The following MAPK14 variants were observed in gnomAD, a reference collection of about 807,000 sequenced individuals.
MAPK14 encodes CSAID-binding protein.
A neutral mutation model predicts 49.6 loss-of-function variants in MAPK14; 16 were observed. That is an observed-to-expected ratio of 0.32 (90% CI 0.22 to 0.49). The LOEUF (loss-of-function observed/expected upper bound fraction) is 0.49, where lower values mean the gene tolerates loss of function less well. Ranked by LOEUF, MAPK14 falls within the 20% of genes least tolerant of loss-of-function variation. The pLI is 0.99. For synonymous variants in MAPK14, 142 were observed against 158.0 expected (o/e 0.90, Z 0.76); for missense variants, 200 against 441.2 (o/e 0.45, Z 4.90).
chr6:36,041,327 TTTC>T (rs957153635), intron 1 of MAPK14, among the ~76,000 whole-genome samples: 4 of 152,144 alleles, frequency 2.6e-5, no homozygotes, highest in African/African-American at 9.7e-5. Context: ...TTCTTCCTCT[TTTC>T]TTTCTGCTCC....
At chr6:36,122,580 C>T in the MAPK14 span, among the ~76,000 whole-genome samples, 34 of 152,328 alleles carry the variant, frequency 2.2e-4, no homozygotes, top group African/African-American at 7.2e-4. Context: ...AACCTCAAGA[C>T]ATTCTATTAG....
chr6:36,037,719 C>G (rs1456049671), intron 1 of MAPK14, among the ~76,000 whole-genome samples: 1 of 152,144 alleles, frequency 6.6e-6, no homozygotes, highest in East Asian at 1.9e-4. Context: ...CAGTGAGTGG[C>G]TCACACCTGT....
At chr6:36,098,725 G>A (rs969689904) in intron 9 of MAPK14, among the ~76,000 whole-genome samples, 1 of 152,068 alleles carries the variant, frequency 6.6e-6, no homozygotes, top group African/African-American at 2.4e-5. Context: ...AAGGGGAAGT[G>A]GAGGATTTTT....
chr6:36,085,859 T>C lies in MAPK14; in HGVS notation c.682+9251T>C, dbSNP rs139918194. Among the ~76,000 whole-genome samples, 43 of 152,352 alleles carry C rather than the reference T, an allele frequency of 2.8e-4. No homozygotes were observed. In the East Asian group the frequency reaches 6.2e-3, roughly 22 times the overall value. Reference sequence around the variant, plus strand: ...TACAGAAACAACAGAATATACATTCTTCTTAGCAGCACATCGCACTTAGGC... The same window carrying C: ...TACAGAAACAACAGAATATACATTCCTCTTAGCAGCACATCGCACTTAGGC... On this transcript the variant is annotated intron_variant, in intron 8 of 11. Coordinates refer to ENST00000229794, the MANE Select transcript of MAPK14 (RefSeq NM_139012.3).
intron 1 of MAPK14, among the ~76,000 whole-genome samples, chr6:36,032,031 C>T (rs961860306): frequency 6.6e-6 from 1 of 152,074 alleles, no homozygotes; most frequent in Non-Finnish European, 1.5e-5. Context: ...GTTCCCCCAC[C>T]TTGGCCTCCC....
chr6:36,104,623 G>A (rs1581853843), intron 10 of MAPK14, among the ~76,000 whole-genome samples: 1 of 152,126 alleles, frequency 6.6e-6, no homozygotes, highest in Non-Finnish European at 1.5e-5. Flanking sequence ...TCCTGACCTC[G>A]TGACCTGCCC....
intron 3 of MAPK14, among the ~76,000 whole-genome samples, chr6:36,059,702 G>C (rs2127425803): frequency 6.6e-6 from 1 of 152,100 alleles, no homozygotes; most frequent in Middle Eastern, 3.4e-3. Flanking sequence ...TGTTTTAAAA[G>C]ACACGGGGTC....
At position 36,028,220 on chromosome 6, in the gene MAPK14, C is replaced by G; in HGVS notation, c.63C>G (p.Pro21=). 6.2e-7 allele frequency: 1 copy of G among 1,613,914 alleles called. No homozygotes were observed. Among genetic ancestry groups the G allele is most frequent in the Non-Finnish European group, 8.5e-7 (1 of 1,179,826 alleles). Residue 21 remains proline, a synonymous_variant, in exon 1 of 12, where the codon CCC becomes CCG. Coordinates refer to ENST00000229794, the MANE Select transcript of MAPK14 (RefSeq NM_139012.3). This position sits in a 1 kb window ranked among gnomAD's most constrained non-coding sequence, Gnocchi z 5.1. The part of the protein sequence containing the change: ...QELNKTIWEV[P]ERYQNLSPVG... ...TGAACAAGACAATCTGGGAGGTGCCCGAGCGTTACCAGAACCTGTCTCCAG... is the reference window on the plus strand; with the variant it reads ...TGAACAAGACAATCTGGGAGGTGCCGGAGCGTTACCAGAACCTGTCTCCAG...
chr6:36,042,312 G>C (rs566778562), intron 1 of MAPK14, among the ~76,000 whole-genome samples: 4 of 151,836 alleles, frequency 2.6e-5, no homozygotes, highest in African/African-American at 7.3e-5. Flanking sequence ...TTTTAAAATT[G>C]GTCTTGGTGG....
chr6:36,059,242 C>T (rs1414092054), intron 2 of MAPK14, 47 bp from the exon 3 acceptor site: 1 of 1,224,296 alleles, frequency 8.2e-7, no homozygotes, highest in Non-Finnish European at 1.2e-6. Flanking sequence ...GGGTACTATA[C>T]TGAGTTTAAT....
At chr6:36,095,925 T>C in intron 8 of MAPK14, 62 bp from the exon 9 acceptor site, 1 of 1,045,608 alleles carries the variant, frequency 9.6e-7, no homozygotes, top group Non-Finnish European at 1.5e-6. Context: ...TTGTTTTGTT[T>C]GTCATTGTTT....
chr6:36,070,404 A>G (rs1214709544), intron 3 of MAPK14, among the ~76,000 whole-genome samples: 1 of 152,192 alleles, frequency 6.6e-6, no homozygotes, highest in Non-Finnish European at 1.5e-5. Flanking sequence ...CTTGTCAATG[A>G]AATGGGAACG....
At chr6:36,099,795 T>C (rs1765571155) in intron 9 of MAPK14, among the ~76,000 whole-genome samples, 1 of 152,190 alleles carries the variant, frequency 6.6e-6, no homozygotes. Context: ...TTTATTTTGT[T>C]CAAAGTTGAG....
At chr6:36,092,365 CAG>C in intron 8 of MAPK14, 2 of 659,614 alleles carry the variant, frequency 3.0e-6, no homozygotes, top group Non-Finnish European at 5.7e-6. Context: ...GAGTTCCCTG[CAG>C]GGAACTCTAT....
Position 36,052,911 on chromosome 6 carries a change from C to T in MAPK14, c.246+83C>T, listed in dbSNP as rs61763105. The T allele has an allele frequency of 7.9e-4, 973 of 1,237,846 alleles. 4 individuals are homozygous for T. In the African/African-American group the frequency reaches 0.012, roughly 15 times the overall value. 76.7% of individuals were successfully genotyped at this position (1,237,846 alleles called of 1,614,324 possible). A position where few individuals can be genotyped will look rare whatever the true frequency, so the allele number is the denominator to read the frequency against. On this transcript the variant is annotated intron_variant, in intron 2 of 11. Coordinates refer to ENST00000229794, the MANE Select transcript of MAPK14 (RefSeq NM_139012.3). The stretch of plus-strand genomic sequence containing the variant: ...GTTTTAATTACTGCAGATGGAAATA[C>T]GCTGGAGTGCATCAAACGTTGGTCC...
chr6:36,082,313 G>A (rs1000660231), intron 8 of MAPK14, among the ~76,000 whole-genome samples: 2 of 152,160 alleles, frequency 1.3e-5, no homozygotes, highest in African/African-American at 4.8e-5. Context: ...CCTGTCTTAG[G>A]GGGAAAGCTT....
intron 3 of MAPK14, among the ~76,000 whole-genome samples, chr6:36,067,976 G>A (rs115513538): frequency 0.017 from 2,526 of 152,212 alleles, 29 homozygotes; most frequent in Non-Finnish European, 0.024. Context: ...TATAAAAAAG[G>A]AAATTACATA....
intron 6 of MAPK14, 154 bp from the exon 7 acceptor site, chr6:36,075,694 C>A: frequency 1.0e-6 from 1 of 975,544 alleles, no homozygotes; most frequent in Non-Finnish European, 1.6e-6. Context: ...ACCATACATT[C>A]TAAGTATGGA....
intron 3 of MAPK14, among the ~76,000 whole-genome samples, chr6:36,067,385 A>G (rs1764102101): frequency 6.6e-6 from 1 of 152,094 alleles, no homozygotes; most frequent in Non-Finnish European, 1.5e-5. Context: ...CCTTTCATCT[A>G]AAGGCTGTAT....
Sources: gnomAD v4.1 joint callset for allele counts (sites outside exome capture counted in the v4.1 genomes callset) on GRCh38, gnomAD v4.1.1 for gene constraint, Gnocchi (gnomAD v3.1) non-coding constraint, MANE v1.5 for transcripts, NCBI Gene and HGNC (gene_info 2026-07-23, HGNC 2026-07-21) for gene names.